MAPK14: variants seen among roughly 807,000 people sequenced by gnomAD.
MAPK14 encodes the protein mitogen-activated protein kinase 14.
In MAPK14, 16 loss-of-function variants were observed where a neutral mutation model predicts 49.6. The ratio of observed to expected loss-of-function variants is 0.32; its 90% CI spans 0.22 to 0.49. The LOEUF (loss-of-function observed/expected upper bound fraction) is 0.49, where lower values mean the gene tolerates loss of function less well. Ranked by LOEUF, MAPK14 falls within the 20% of genes least tolerant of loss-of-function variation. MAPK14 has a pLI of 0.99. For synonymous variants in MAPK14, 142 were observed against 158.0 expected (o/e 0.90, Z 0.76); for missense variants, 200 against 441.2 (o/e 0.45, Z 4.90).
rs1188775892 is a variant in MAPK14 at position 36,109,779 on chromosome 6, T to C, written c.*1332T>C. On this transcript the variant is annotated 3_prime_UTR_variant, in exon 12 of 12. Coordinates refer to ENST00000229794, the MANE Select transcript of MAPK14 (RefSeq NM_139012.3). ...TGCTAAGAAATGCTGAAAATCAAAG[T>C]AAAAAATTAAAGCCCATAAGGCCAG... 3 of 152,600 alleles carry C rather than the reference T, an allele frequency of 2.0e-5. No homozygotes were observed. Among genetic ancestry groups the C allele is most frequent in the Non-Finnish European group, 4.4e-5 (3 of 68,026 alleles). 9.5% of individuals were successfully genotyped at this position (152,600 alleles called of 1,614,324 possible).
intron 2 of MAPK14, among the ~76,000 whole-genome samples, chr6:36,054,429 T>A (rs1763515121): frequency 1.3e-5 from 2 of 152,238 alleles, no homozygotes; most frequent in Admixed American, 6.5e-5. Context: ...TGTTTAGGGA[T>A]CATGGTATTA....
At position 36,083,218 on chromosome 6, in the gene MAPK14, G is replaced by A. The variant is rs988045155; in HGVS notation, c.682+6610G>A. ...AGAGTGAGGAAAAGCAGGGTGGAGC[G>A]ACAGCCCACCTGGGAGCTGCAAAGG... On this transcript the variant is annotated intron_variant, in intron 8 of 11. Coordinates refer to ENST00000229794, the MANE Select transcript of MAPK14 (RefSeq NM_139012.3). 1.3e-4 allele frequency among the ~76,000 whole-genome samples: 20 copies of A among 152,338 alleles called. No individual in the cohort carries two copies. In the East Asian group the frequency reaches 2.5e-3, roughly 19 times the overall value.
At chr6:36,069,569 A>G (rs1161936889) in intron 3 of MAPK14, among the ~76,000 whole-genome samples, 1 of 152,208 alleles carries the variant, frequency 6.6e-6, no homozygotes, top group Non-Finnish European at 1.5e-5. Flanking sequence ...AGACTGATTA[A>G]TCTTATAAAC....
chr6:36,082,484 A>G (rs1764805047), intron 8 of MAPK14, among the ~76,000 whole-genome samples: 1 of 152,222 alleles, frequency 6.6e-6, no homozygotes, highest in Non-Finnish European at 1.5e-5. Context: ...TTTGGCTCAC[A>G]GTTGCATAGC....
chr6:36,058,728 T>G (rs1763679943), intron 2 of MAPK14, among the ~76,000 whole-genome samples: 1 of 152,004 alleles, frequency 6.6e-6, no homozygotes, highest in Admixed American at 6.5e-5. Flanking sequence ...GTGAGACACA[T>G]CTGTACAAAA....
intron 8 of MAPK14, among the ~76,000 whole-genome samples, chr6:36,084,110 G>C (rs1434976935): frequency 6.6e-6 from 1 of 152,178 alleles, no homozygotes; most frequent in Non-Finnish European, 1.5e-5. Flanking sequence ...CCCTATGGAA[G>C]AGGGGCCTGA....
At chr6:36,090,743 A>T (rs1047282632) in intron 8 of MAPK14, among the ~76,000 whole-genome samples, 2 of 152,014 alleles carry the variant, frequency 1.3e-5, no homozygotes, top group Non-Finnish European at 2.9e-5. Flanking sequence ...GCCAGCCTGG[A>T]TGTTCTCTCA....
intron 1 of MAPK14, among the ~76,000 whole-genome samples, chr6:36,044,320 AT>A (rs1250047181): frequency 6.6e-6 from 1 of 152,226 alleles, no homozygotes; most frequent in African/African-American, 2.4e-5. Flanking sequence ...TTGCTGAGTG[AT>A]TACTCATTCT....
At position 36,028,250 on chromosome 6, in the gene MAPK14, C is replaced by T. The variant is rs762257913; in HGVS notation, c.93C>T (p.Gly31=). 3.8e-5 allele frequency: 62 copies of T among 1,613,318 alleles called. No homozygotes were observed. The highest frequency in any genetic ancestry group is 5.2e-5 in the Non-Finnish European group (61 of 1,179,396). Residue 31 remains glycine (G), a synonymous_variant, in exon 1 of 12, where the codon GGC becomes GGT. Coordinates refer to ENST00000229794, the MANE Select transcript of MAPK14 (RefSeq NM_139012.3). This position sits in a 1 kb window ranked among gnomAD's most constrained non-coding sequence, Gnocchi z 5.1. Reference sequence around the variant, plus strand: ...GTTACCAGAACCTGTCTCCAGTGGGCTCTGGCGCCTATGGCTCTGTGTGGT... The same window carrying T: ...GTTACCAGAACCTGTCTCCAGTGGGTTCTGGCGCCTATGGCTCTGTGTGGT... ...PERYQNLSPV[G]SGAYGSVCAA... is the part of the protein sequence containing the mutation.
intron 2 of MAPK14, among the ~76,000 whole-genome samples, chr6:36,054,002 A>G: frequency 6.6e-6 from 1 of 151,982 alleles, no homozygotes; most frequent in African/African-American, 2.4e-5. Flanking sequence ...TGCAAACCAG[A>G]GTTTTAAGAA....
At chr6:36,096,306 C>G (rs1265001103) in intron 9 of MAPK14, 14 of 412,762 alleles carry the variant, frequency 3.4e-5, no homozygotes, top group Non-Finnish European at 5.6e-5. Flanking sequence ...ACGGGAGCCT[C>G]CATTAGACAA....
chr6:36,030,744 G>A (rs1169349882), intron 1 of MAPK14, among the ~76,000 whole-genome samples: 1 of 150,066 alleles, frequency 6.7e-6, no homozygotes, highest in Non-Finnish European at 1.5e-5. Flanking sequence ...TTGTTCTCCA[G>A]CCACTCTACT....
chr6:36,113,758 T>G (rs1386181437), downstream of MAPK14, among the ~76,000 whole-genome samples: 4 of 152,238 alleles, frequency 2.6e-5, no homozygotes, highest in South Asian at 2.1e-4. Flanking sequence ...CTTTGTTTTG[T>G]TTTTTAATGA....
chr6:36,116,142 T>C (rs1766057187), downstream of MAPK14, among the ~76,000 whole-genome samples: 1 of 152,000 alleles, frequency 6.6e-6, no homozygotes, highest in African/African-American at 2.4e-5. Flanking sequence ...CAGGCATAGC[T>C]ACATAAAAGA....
At chr6:36,067,414 C>T (rs1227039436) in intron 3 of MAPK14, among the ~76,000 whole-genome samples, 2 of 152,138 alleles carry the variant, frequency 1.3e-5, no homozygotes, top group Admixed American at 6.6e-5. Context: ...CCCACTGCTG[C>T]ATCCCCAGGG....
Position 36,028,277 on chromosome 6 carries a change from A to G in MAPK14, c.116+4A>G. 6.2e-7 allele frequency: 1 copy of G among 1,608,298 alleles called. No homozygotes were observed. Among genetic ancestry groups the G allele is most frequent in the Non-Finnish European group, 8.5e-7 (1 of 1,175,374 alleles). ...CTGGCGCCTATGGCTCTGTGTGGTGAGTGTCGCTGGGCCTGGGGCCGCTGT... is the reference window on the plus strand; with the variant it reads ...CTGGCGCCTATGGCTCTGTGTGGTGGGTGTCGCTGGGCCTGGGGCCGCTGT... On this transcript the variant is annotated splice_donor_region_variant and intron_variant, in intron 1 of 11. Transcript: ENST00000229794. The surrounding 1 kb of genome is among the most constrained non-coding windows in gnomAD (Gnocchi z 5.1).
intron 6 of MAPK14, 50 bp downstream of exon 6, chr6:36,074,146 G>A (rs1764424381): frequency 2.1e-6 from 3 of 1,455,934 alleles, no homozygotes; most frequent in Non-Finnish European, 2.9e-6. Context: ...GAGATTATAT[G>A]TTTGACTAAG....
chr6:36,041,243 C>T (rs986919985), intron 1 of MAPK14, among the ~76,000 whole-genome samples: 26 of 151,338 alleles, frequency 1.7e-4, no homozygotes, highest in Non-Finnish European at 3.1e-4. Flanking sequence ...TTAAACACCA[C>T]CTTAAAGTAC....
At chr6:36,117,732 G>A in the MAPK14 span, among the ~76,000 whole-genome samples, 1 of 152,188 alleles carries the variant, frequency 6.6e-6, no homozygotes, top group African/African-American at 2.4e-5. Flanking sequence ...GAAAAACCCT[G>A]AGTATACAGT....
Sources: allele counts gnomAD v4.1 joint callset (sites outside exome capture counted in the v4.1 genomes callset), GRCh38; gene constraint gnomAD v4.1.1; non-coding constraint Gnocchi (gnomAD v3.1); transcripts MANE v1.5; gene names NCBI Gene and HGNC (gene_info 2026-07-23, HGNC 2026-07-21).